Variants in DNER observed in about 807,000 individuals in gnomAD.
The protein encoded by DNER is delta/notch like EGF repeat containing, also known as delta and Notch-like epidermal growth factor-related receptor.
A neutral mutation model predicts 78.2 loss-of-function variants in DNER; 33 were observed. The observed-to-expected ratio is 0.42, with a 90% CI of 0.32 to 0.56. The LOEUF (loss-of-function observed/expected upper bound fraction) is 0.56, where lower values mean the gene tolerates loss of function less well. DNER is among the 20% of genes least tolerant of loss of function. The probability of loss-of-function intolerance (pLI) is 0.11; values close to 1 mark genes in which losing one functional copy is unlikely to be tolerated. For synonymous variants in DNER, 417 were observed against 384.8 expected (o/e 1.08, Z -0.98); for missense variants, 918 against 975.3 (o/e 0.94, Z 0.78).
intron 8 of DNER, among the ~76,000 whole-genome samples, chr2:229,432,261 AGAT>A (rs2106355642): frequency 6.6e-6 from 1 of 152,316 alleles, no homozygotes; most frequent in African/African-American, 2.4e-5. Context: ...GAGGTGAGGA[AGAT>A]GATAAGAAAG....
chr2:229,422,252 G>A (rs1394886796), intron 8 of DNER, among the ~76,000 whole-genome samples: 1 of 152,156 alleles, frequency 6.6e-6, no homozygotes, highest in Non-Finnish European at 1.5e-5. Context: ...ACCCCCTGCT[G>A]ATAATTAATT....
intron 12 of DNER, among the ~76,000 whole-genome samples, chr2:229,362,679 G>T (rs1346071464): frequency 2.6e-5 from 4 of 152,178 alleles, no homozygotes; most frequent in Admixed American, 1.3e-4. Flanking sequence ...ATTTGTGAAT[G>T]ATTTAGCACA....
intron 4 of DNER, among the ~76,000 whole-genome samples, chr2:229,581,511 GC>G: frequency 6.6e-6 from 1 of 152,288 alleles, no homozygotes. Context: ...GTAAAGAGAG[GC>G]CAGAAGAGTC....
At chr2:229,392,597 G>A (rs1693039733) in intron 10 of DNER, among the ~76,000 whole-genome samples, 1 of 152,132 alleles carries the variant, frequency 6.6e-6, no homozygotes, top group Non-Finnish European at 1.5e-5. Context: ...AATGACAGAT[G>A]AGCAGTTCCC....
At chr2:229,514,440 CA>C (rs1293420360) in intron 5 of DNER, among the ~76,000 whole-genome samples, 1 of 152,192 alleles carries the variant, frequency 6.6e-6, no homozygotes, top group Non-Finnish European at 1.5e-5. Flanking sequence ...TAGAATTTAC[CA>C]CTAAGCAGAT....
intron 8 of DNER, among the ~76,000 whole-genome samples, chr2:229,421,207 T>C (rs1293057003): frequency 6.6e-6 from 1 of 152,152 alleles, no homozygotes; most frequent in African/African-American, 2.4e-5. Flanking sequence ...CTATATGATG[T>C]ATTTTTAAAA....
intron 1 of DNER, among the ~76,000 whole-genome samples, chr2:229,650,892 T>C (rs1309885859): frequency 6.6e-6 from 1 of 151,980 alleles, no homozygotes; most frequent in East Asian, 1.9e-4. Context: ...TTCTATAGAG[T>C]GGATGGGGCC....
chr2:229,418,629 C>T (rs990845933), intron 8 of DNER, among the ~76,000 whole-genome samples: 4 of 151,920 alleles, frequency 2.6e-5, no homozygotes, highest in African/African-American at 4.8e-5. Flanking sequence ...GAACCTGGCT[C>T]GGTGTGGTGG....
At position 229,358,539 on chromosome 2, in the gene DNER, A is replaced by G. The variant is rs780282076; in HGVS notation, c.*1T>C. The G allele has an allele frequency of 6.2e-7, 1 of 1,600,798 alleles. No individual in the cohort carries two copies. The highest frequency in any genetic ancestry group is 8.5e-7 in the Non-Finnish European group (1 of 1,174,252). On this transcript the variant is annotated 3_prime_UTR_variant, in exon 13 of 13. Coordinates refer to ENST00000341772, the MANE Select transcript of DNER (RefSeq NM_139072.4). ...TTTTTGAAAAATAATCCAAAAAAAGATTACAAATCTTTAGTTTTAATCAGT... is the reference window on the plus strand; with the variant it reads ...TTTTTGAAAAATAATCCAAAAAAAGGTTACAAATCTTTAGTTTTAATCAGT...
chr2:229,379,742 T>G (rs1002703129), intron 11 of DNER, among the ~76,000 whole-genome samples: 6 of 152,112 alleles, frequency 3.9e-5, no homozygotes, highest in African/African-American at 1.4e-4. Flanking sequence ...CACAAGCAAA[T>G]GCAGTCATAA....
At chr2:229,685,972 T>G (rs1390579755) in intron 1 of DNER, among the ~76,000 whole-genome samples, 1 of 151,934 alleles carries the variant, frequency 6.6e-6, no homozygotes, top group Non-Finnish European at 1.5e-5. Flanking sequence ...TGGGTAGAGC[T>G]GAAAGAAGAG....
chr2:229,430,687 A>AATATATATATATATAT (rs58809747), intron 8 of DNER, among the ~76,000 whole-genome samples: 4 of 144,594 alleles, frequency 2.8e-5, no homozygotes, highest in Admixed American at 1.4e-4. Flanking sequence ...ATACTTAGTA[A>AATATATATATATATAT]ATATATATAT....
At chr2:229,563,065 C>A (rs1202433067) in intron 4 of DNER, among the ~76,000 whole-genome samples, 1 of 141,818 alleles carries the variant, frequency 7.1e-6, no homozygotes, top group Non-Finnish European at 1.5e-5. Context: ...CAACATCATC[C>A]TCCTCACCCC....
chr2:229,569,812 C>A (rs1289318415), intron 4 of DNER, among the ~76,000 whole-genome samples: 2 of 152,132 alleles, frequency 1.3e-5, no homozygotes, highest in African/African-American at 4.8e-5. Context: ...AGAGGGCTCA[C>A]TGCACTTACA....
intron 1 of DNER, among the ~76,000 whole-genome samples, chr2:229,634,870 C>T (rs1262709683): frequency 1.3e-5 from 2 of 152,156 alleles, no homozygotes; most frequent in Non-Finnish European, 2.9e-5. Context: ...ATGCCCTTTC[C>T]CCCCACCAAT....
chr2:229,601,344 T>A (rs1468931305), intron 1 of DNER, among the ~76,000 whole-genome samples: 4 of 152,030 alleles, frequency 2.6e-5, no homozygotes, highest in Non-Finnish European at 4.4e-5. Context: ...TAAAAAAAAA[T>A]CACTATAGTG....
At chr2:229,490,865 G>A (rs1201469903) in intron 6 of DNER, among the ~76,000 whole-genome samples, 6 of 152,134 alleles carry the variant, frequency 3.9e-5, no homozygotes, top group African/African-American at 9.7e-5. Flanking sequence ...AATCCAAAAC[G>A]TCTCACTACT....
At chr2:229,554,071 C>T (rs183146134) in intron 4 of DNER, among the ~76,000 whole-genome samples, 31 of 152,236 alleles carry the variant, frequency 2.0e-4, no homozygotes, top group South Asian at 2.1e-4. Context: ...AACTAAGATG[C>T]CTTTCAAAAT....
chr2:229,633,736 T>C (rs544698016), intron 1 of DNER, among the ~76,000 whole-genome samples: 28 of 152,192 alleles, frequency 1.8e-4, no homozygotes, highest in Admixed American at 6.5e-4. Flanking sequence ...TGGGACATAG[T>C]GGACAGCAGG....
Sources: allele counts gnomAD v4.1 joint callset (sites outside exome capture counted in the v4.1 genomes callset), GRCh38; gene constraint gnomAD v4.1.1; transcripts MANE v1.5; gene names NCBI Gene and HGNC (gene_info 2026-07-23, HGNC 2026-07-21).